The following CRTC3 variants were observed in gnomAD, a reference collection of about 807,000 sequenced individuals.
The protein encoded by CRTC3 is CREB-regulated transcription coactivator 3.
Under a neutral mutation model 74.5 loss-of-function variants are expected in CRTC3, and 26 were observed. The observed-to-expected ratio is 0.35, with a 90% confidence interval of 0.26 to 0.48. The LOEUF (loss-of-function observed/expected upper bound fraction) is 0.48. Ranked by LOEUF, CRTC3 falls within the 20% of genes least tolerant of loss-of-function variation. The pLI, the probability that CRTC3 is intolerant of heterozygous loss-of-function variation, is 0.99. For synonymous variants in CRTC3, 377 were observed against 325.8 expected (o/e 1.16, Z -1.69); for missense variants, 760 against 787.3 (o/e 0.97, Z 0.41).
intron 2 of CRTC3, among the ~76,000 whole-genome samples, chr15:90,547,882 T>C (rs1174496800): frequency 7.2e-6 from 1 of 139,082 alleles, no homozygotes; most frequent in Non-Finnish European, 1.5e-5. Flanking sequence ...TTGTAGCTTT[T>C]CGTATCCTTT....
intron 2 of CRTC3, among the ~76,000 whole-genome samples, chr15:90,551,519 G>A (rs1157533689): frequency 1.3e-5 from 2 of 152,074 alleles, no homozygotes; most frequent in Admixed American, 1.3e-4. Flanking sequence ...GGTGGCCACC[G>A]AACTGGACAG....
chr15:90,632,053 C>T (rs1969057761), intron 11 of CRTC3, among the ~76,000 whole-genome samples: 1 of 148,490 alleles, frequency 6.7e-6, no homozygotes, highest in African/African-American at 2.5e-5. Flanking sequence ...AGGTGTATAC[C>T]ATCACACCCG....
intron 2 of CRTC3, among the ~76,000 whole-genome samples, chr15:90,586,145 T>G (rs1251670074): frequency 6.6e-6 from 1 of 152,150 alleles, no homozygotes; most frequent in Non-Finnish European, 1.5e-5. Flanking sequence ...ACTTTTTTTC[T>G]TGATCACGAG....
intron 11 of CRTC3, 69 bp from the exon 12 acceptor site, chr15:90,638,377 C>A: frequency 7.3e-7 from 1 of 1,364,690 alleles, no homozygotes; most frequent in Non-Finnish European, 1.0e-6. Context: ...TCTGACATTT[C>A]CTAATCCTAA....
At chr15:90,641,685 CAA>C (rs11294553) in intron 14 of CRTC3, among the ~76,000 whole-genome samples, 21 of 132,820 alleles carry the variant, frequency 1.6e-4, no homozygotes, top group East Asian at 2.1e-4. Flanking sequence ...CAACAGTCTC[CAA>C]AAAAAAAAAA....
intron 9 of CRTC3, chr15:90,620,194 T>A (rs2151088591): frequency 4.8e-6 from 1 of 207,620 alleles, no homozygotes; most frequent in Non-Finnish European, 9.7e-6. Context: ...ACCTGGCAGC[T>A]TAATGGCACA....
intron 2 of CRTC3, among the ~76,000 whole-genome samples, chr15:90,549,547 G>T (rs1358791573): frequency 6.6e-6 from 1 of 152,022 alleles, no homozygotes; most frequent in Non-Finnish European, 1.5e-5. Flanking sequence ...AGGCCGAGGC[G>T]GGCAGATTGC....
intron 3 of CRTC3, chr15:90,598,196 C>T (rs1378315048): frequency 1.9e-6 from 1 of 516,162 alleles, no homozygotes; most frequent in South Asian, 2.4e-5. Context: ...CAAGGCAGTT[C>T]CTGAGCCCTG....
At chr15:90,572,322 AT>A (rs1567169998) in intron 2 of CRTC3, among the ~76,000 whole-genome samples, 1 of 152,188 alleles carries the variant, frequency 6.6e-6, no homozygotes, top group Admixed American at 6.5e-5. Flanking sequence ...CAATTAGATT[AT>A]GTCTAGTTTT....
intron 2 of CRTC3, among the ~76,000 whole-genome samples, chr15:90,564,551 GC>G (rs900290818): frequency 2.0e-5 from 3 of 152,126 alleles, no homozygotes; most frequent in African/African-American, 7.2e-5. Context: ...GGCTACAAAG[GC>G]CCCGAGACTA....
rs1052444351 is a variant in CRTC3, at chr15:90,542,248, A to T, written c.231+2111A>T. ...GGCTGGAGTGCAATAGCGCGATCTC[A>T]GCTTACTGCAACTTCCAGCTCCTGA... On this transcript the variant is annotated intron_variant, in intron 2 of 14. Transcript: ENST00000268184. Among the ~76,000 whole-genome samples, 69 of 149,596 alleles carry T rather than the reference A, an allele frequency of 4.6e-4. 1 individual carries two copies. The highest frequency in any genetic ancestry group is 7.4e-5 in the African/African-American group (3 of 40,428).
chr15:90,638,338 G>T (rs920764720), intron 11 of CRTC3, 108 bp from the exon 12 acceptor site: 4 of 908,664 alleles, frequency 4.4e-6, no homozygotes, highest in Non-Finnish European at 7.0e-6. Context: ...AGAACACCGC[G>T]GTGAGGAAAA....
chr15:90,625,807 C>G lies in CRTC3; in HGVS notation c.781C>G (p.Leu261Val). 1 of 1,614,158 alleles carries G rather than the reference C, an allele frequency of 6.2e-7. No homozygotes were observed. The highest frequency in any genetic ancestry group is 8.5e-7 in the Non-Finnish European group (1 of 1,179,984). The part of the protein sequence containing the change: ...AFPHNGQNLG[L>V]SPFLGTLNTG... ...TCCACATAATGGTCAAAACCTAGGC[C>G]TCTCACCCTTCTTGGGGACCTTGAA... Residue 261 changes from leucine to valine, a missense_variant, in exon 10 of 15, where the codon CTC becomes GTC. Transcript: ENST00000268184.
intron 11 of CRTC3, among the ~76,000 whole-genome samples, chr15:90,637,675 G>A (rs1310546152): frequency 6.6e-6 from 1 of 152,198 alleles, no homozygotes; most frequent in Non-Finnish European, 1.5e-5. Flanking sequence ...TCTCCTGGCA[G>A]GTGGCAGGAT....
At chr15:90,552,074 C>G (rs543138237) in intron 2 of CRTC3, among the ~76,000 whole-genome samples, 3 of 152,326 alleles carry the variant, frequency 2.0e-5, no homozygotes, top group Admixed American at 6.5e-5. Context: ...CTTTTTCACT[C>G]TTCATTAATT....
chr15:90,622,841 ACT>A (rs1276858772), intron 9 of CRTC3, among the ~76,000 whole-genome samples: 1 of 152,072 alleles, frequency 6.6e-6, no homozygotes, highest in Non-Finnish European at 1.5e-5. Flanking sequence ...ACAGAGCAAG[ACT>A]CTGTCTCAAA....
intron 6 of CRTC3, among the ~76,000 whole-genome samples, chr15:90,609,605 G>A (rs1567183214): frequency 6.6e-6 from 1 of 152,176 alleles, no homozygotes; most frequent in South Asian, 2.1e-4. Context: ...GCAATCACAG[G>A]TAATTCAAGT....
At chr15:90,608,290 T>C (rs904688148) in intron 6 of CRTC3, among the ~76,000 whole-genome samples, 1 of 152,144 alleles carries the variant, frequency 6.6e-6, no homozygotes, top group Non-Finnish European at 1.5e-5. Flanking sequence ...CCCCTCACCT[T>C]CAGGAGAAAG....
intron 3 of CRTC3, among the ~76,000 whole-genome samples, chr15:90,596,849 G>GA (rs1235983871): frequency 1.3e-5 from 2 of 152,158 alleles, no homozygotes; most frequent in Non-Finnish European, 2.9e-5. Flanking sequence ...AGAACAAAAG[G>GA]AAAAAATCAG....
Sources: gnomAD v4.1 joint callset for allele counts (sites outside exome capture counted in the v4.1 genomes callset) on GRCh38, gnomAD v4.1.1 for gene constraint, MANE v1.5 for transcripts, NCBI Gene and HGNC (gene_info 2026-07-23, HGNC 2026-07-21) for gene names.